Variants in PSMA1 observed in about 807,000 individuals in gnomAD.
The protein encoded by PSMA1 is proteasome subunit alpha type-1.
A neutral mutation model predicts 38.4 loss-of-function variants in PSMA1; 3 were observed. The observed-to-expected ratio is 0.08, with a 90% CI of 0.04 to 0.20. The LOEUF is 0.20. PSMA1 is among the 10% of genes least tolerant of loss of function. PSMA1 has a pLI of 1.00. For synonymous variants in PSMA1, 101 were observed against 107.1 expected, an observed-to-expected ratio of 0.94 and a Z score of 0.35; for missense variants, 227 against 325.3, an observed-to-expected ratio of 0.70 and a Z score of 2.32.
At chr11:14,520,460 A>C, upstream of PSMA1, 1 of 1,548,856 alleles carries the variant, frequency 6.5e-7, no homozygotes, top group Non-Finnish European at 8.7e-7. Context: ...GGCTTGCAAC[A>C]CTTCCCCCTC....
chr11:14,561,488 C>A (rs928211138), intron 2 of PSMA1, among the ~76,000 whole-genome samples: 4 of 152,226 alleles, frequency 2.6e-5, no homozygotes, highest in Admixed American at 6.5e-5. Context: ...CTGGTTACCA[C>A]AGTGACTAGT....
chr11:14,586,752 CTCTT>C (rs367881739), intron 2 of PSMA1, among the ~76,000 whole-genome samples: 48 of 151,862 alleles, frequency 3.2e-4, no homozygotes, highest in South Asian at 4.2e-4. Context: ...TCATCAATCT[CTCTT>C]TCTTTCTTTC....
chr11:14,507,669 T>C lies in PSMA1; in HGVS notation c.722A>G (p.Gln241Arg), dbSNP rs1296074622. Residue 241 changes from glutamine to arginine, a missense_variant, in exon 9 of 10, where the codon CAG (glutamine) becomes CGG (arginine). Transcript: ENST00000396394. ...PFLEGLEERP[Q>R]RKAQPAQPAD... is the part of the protein sequence containing the mutation. ...ATGATTATATACCTGTGCCTTTCTC[T>C]GTGGTCTTTCTTCAAGACCTTCCAG... The C allele has an allele frequency of 6.2e-7, 1 of 1,603,402 alleles. No homozygotes were observed. The highest frequency in any genetic ancestry group is 8.5e-7 in the Non-Finnish European group (1 of 1,170,708).
intron 1 of PSMA1, among the ~76,000 whole-genome samples, chr11:14,642,021 A>G (rs996168573): frequency 6.6e-6 from 1 of 152,190 alleles, no homozygotes; most frequent in African/African-American, 2.4e-5. Context: ...ACAAAACTGG[A>G]TTTCTACTCC....
In PSMA1 at chr11:14,545,835, A is replaced by T. The variant is rs376836476; in HGVS notation, c.22-26794T>A. ...GCTAATACTTTATGATTTCTTGTCT[A>T]CATTAATAATTGAAGAACCATGTGC... is the stretch of plus-strand genomic sequence containing the variant. On this transcript the variant is annotated intron_variant, in intron 2 of 10. Coordinates refer to the PSMA1 transcript ENST00000418988. 9.5e-4 allele frequency among the ~76,000 whole-genome samples: 145 copies of T among 152,344 alleles called. 1 individual carries two copies. The highest frequency in any genetic ancestry group is 3.4e-3 in the African/African-American group (143 of 41,578).
At position 14,589,409 on chromosome 11, in the gene PSMA1, A is replaced by G. The variant is rs1045859590; in HGVS notation, c.21+21557T>C. On this transcript the variant is annotated intron_variant, in intron 2 of 10. Transcript: ENST00000418988. ...TATATATATGTGTGTGTATATATAT[A>G]TGTGTATATATATGTGTGTATATAT... is the stretch of plus-strand genomic sequence containing the variant. Among the ~76,000 whole-genome samples the G allele has an allele frequency of 3.3e-4, 49 of 147,180 alleles. 2 individuals are homozygous for G. The highest frequency in any genetic ancestry group is 3.3e-3 in the Admixed American group (49 of 14,876).
At chr11:14,624,108 A>G (rs1436464168) in intron 1 of PSMA1, among the ~76,000 whole-genome samples, 1 of 152,240 alleles carries the variant, frequency 6.6e-6, no homozygotes, top group Non-Finnish European at 1.5e-5. Flanking sequence ...TGGGAGCTCT[A>G]GCTATATCTT....
intron 2 of PSMA1, among the ~76,000 whole-genome samples, chr11:14,525,625 C>T (rs921785840): frequency 6.6e-6 from 1 of 152,182 alleles, no homozygotes; most frequent in Non-Finnish European, 1.5e-5. Flanking sequence ...ATTGTTTTGC[C>T]TATCCACCCT....
chr11:14,592,372 CTCTCTATA>C (rs1395769407), intron 2 of PSMA1, among the ~76,000 whole-genome samples: 9 of 111,530 alleles, frequency 8.1e-5, no homozygotes, highest in African/African-American at 2.0e-4. Flanking sequence ...CTCTCTCTCT[CTCTCTATA>C]TATATATATA....
chr11:14,624,934 G>A (rs1187579894), intron 1 of PSMA1, among the ~76,000 whole-genome samples: 1 of 152,190 alleles, frequency 6.6e-6, no homozygotes, highest in African/African-American at 2.4e-5. Context: ...GCTGAGGGTT[G>A]AGAGGACTTG....
chr11:14,597,172 T>C (rs1345289362), intron 2 of PSMA1, among the ~76,000 whole-genome samples: 1 of 152,242 alleles, frequency 6.6e-6, no homozygotes. Flanking sequence ...GATTTTTGCA[T>C]TGATGTTCAT....
intron 1 of PSMA1, among the ~76,000 whole-genome samples, chr11:14,638,506 C>CCTCTCTCTCTCTCTCT (rs374243163): frequency 6.3e-5 from 2 of 31,916 alleles, no homozygotes; most frequent in Non-Finnish European, 1.1e-4. Flanking sequence ...GAGAAACACA[C>CCTCTCTCTCTCTCTCT]CTCTCTCTCT....
rs187595001 is a variant in PSMA1 at position 14,557,265 on chromosome 11, G to C, written c.22-38224C>G. On this transcript the variant is annotated intron_variant, in intron 2 of 10. Coordinates refer to the PSMA1 transcript ENST00000418988. The stretch of plus-strand genomic sequence containing the variant: ...TAATTTTTCTTTTTTTTGAGACGGA[G>C]TCTCACTCTGTCACCAGGCTGGAGT... Among the ~76,000 whole-genome samples, 443 of 152,106 alleles carry C rather than the reference G, an allele frequency of 2.9e-3. 1 individual carries two copies. Among genetic ancestry groups the C allele is most frequent in the Middle Eastern group, 0.01 (3 of 294 alleles).
At chr11:14,630,689 T>A (rs1279948125) in intron 1 of PSMA1, among the ~76,000 whole-genome samples, 1 of 151,838 alleles carries the variant, frequency 6.6e-6, no homozygotes, top group Non-Finnish European at 1.5e-5. Flanking sequence ...TAAAATGAGT[T>A]AGGGAGGATT....
chr11:14,517,994 AAAAC>A lies in PSMA1; in HGVS notation c.49-17_49-14del. The A allele has an allele frequency of 6.6e-7, 1 of 1,526,656 alleles. No homozygotes were observed. The highest frequency in any genetic ancestry group is 1.4e-5 in the African/African-American group (1 of 71,360). The allele number at this position is 1,526,656 out of a possible 1,614,324, so 94.6% of individuals were successfully genotyped here. ...GATGAATCCTGCCCTAAAGAAAAAAAAAACAAAAAACACACATCTTAGAAGATCT... is the reference window on the plus strand; with the variant it reads ...GATGAATCCTGCCCTAAAGAAAAAAAAAAAAACACACATCTTAGAAGATCT... On this transcript the variant is annotated splice_polypyrimidine_tract_variant and intron_variant, in intron 2 of 9. Coordinates refer to ENST00000396394, the MANE Select transcript of PSMA1 (RefSeq NM_002786.4).
At chr11:14,639,259 T>G (rs1188792521) in intron 1 of PSMA1, among the ~76,000 whole-genome samples, 1 of 134,372 alleles carries the variant, frequency 7.4e-6, no homozygotes. Context: ...TTTGTAAATC[T>G]AGGAAAAAGG....
At chr11:14,638,055 T>C (rs1054853713) in intron 1 of PSMA1, among the ~76,000 whole-genome samples, 2 of 152,190 alleles carry the variant, frequency 1.3e-5, no homozygotes, top group African/African-American at 4.8e-5. Flanking sequence ...TGTAATTTAA[T>C]TTAATCCACA....
intron 2 of PSMA1, among the ~76,000 whole-genome samples, chr11:14,542,563 C>G (rs1851784497): frequency 6.6e-6 from 1 of 152,202 alleles, no homozygotes; most frequent in African/African-American, 2.4e-5. Context: ...GATTGCCAGA[C>G]AATGGCTTCC....
At chr11:14,530,865 G>C (rs924551830) in intron 2 of PSMA1, among the ~76,000 whole-genome samples, 6 of 136,684 alleles carry the variant, frequency 4.4e-5, no homozygotes, top group Non-Finnish European at 9.0e-5. Context: ...TCACTCCACT[G>C]CACTCTAGCT....
Sources: gnomAD v4.1 joint callset for allele counts (sites outside exome capture counted in the v4.1 genomes callset) on GRCh38, gnomAD v4.1.1 for gene constraint, MANE v1.5 for transcripts, NCBI Gene and HGNC (gene_info 2026-07-23, HGNC 2026-07-21) for gene names.